NRXN2: variants seen among roughly 807,000 people sequenced by gnomAD.
The protein encoded by NRXN2 is neurexin 2.
A neutral mutation model predicts 128.8 loss-of-function variants in NRXN2; 29 were observed. The observed-to-expected ratio is 0.23, with a 90% CI of 0.17 to 0.31. The LOEUF (loss-of-function observed/expected upper bound fraction) is 0.31. Among genes scored for constraint, NRXN2 ranks in the 10% least tolerant of loss-of-function variants. NRXN2 has a pLI of 1.00. For missense variants in NRXN2, 1,881 were observed against 2,452.6 expected, an observed-to-expected ratio of 0.77 and a Z score of 4.92; for synonymous variants, 1,098 against 1,075.2, an observed-to-expected ratio of 1.02 and a Z score of -0.41.
intron 5 of NRXN2, among the ~76,000 whole-genome samples, chr11:64,689,888 G>A (rs2053577087): frequency 6.6e-6 from 1 of 152,188 alleles, no homozygotes; most frequent in African/African-American, 2.4e-5. Context: ...GTTCCTTGAG[G>A]ACTTGTTATA....
intron 7 of NRXN2, among the ~76,000 whole-genome samples, chr11:64,673,645 A>G (rs2050908336): frequency 6.6e-6 from 1 of 152,216 alleles, no homozygotes; most frequent in Non-Finnish European, 1.5e-5. Flanking sequence ...TTTCCTTTCC[A>G]GGACTGAAAC....
Position 64,713,811 on chromosome 11 carries a change from T to C in NRXN2, c.-112A>G. Reference sequence around the variant, plus strand: ...GCTCCCCGCGCTGAGCGGGGCTCCCTTGCAGGCTCACAGTGCCATGGGCCC... The same window carrying C: ...GCTCCCCGCGCTGAGCGGGGCTCCCCTGCAGGCTCACAGTGCCATGGGCCC... On this transcript the variant is annotated 5_prime_UTR_variant, in exon 2 of 23. Transcript: ENST00000265459. 1 of 568,808 alleles carries C rather than the reference T, an allele frequency of 1.8e-6. No individual in the cohort carries two copies. The allele number at this position is 568,808 out of a possible 1,614,324, so 35.2% of individuals were successfully genotyped here.
In NRXN2 at chr11:64,607,519, A is replaced by C; in HGVS notation, c.4816T>G (p.Phe1606Val). The change falls in exon 23 of 23, where the codon TTC becomes GTC. Residue 1606 changes from phenylalanine to valine, a missense_variant. Around this residue, in one of 7 missense-constraint regions of NRXN2, gnomAD observed 310 missense variants for 318.2 expected, o/e 0.97. Coordinates refer to ENST00000265459, the MANE Select transcript of NRXN2 (RefSeq NM_015080.4). ...LRPGVTSAPG[F>V]PHLPTANPTG... ...GGGTTGGCTGTGGGCAGATGGGGGA[A>C]GCCGGGGGCTGAGGTCACGCCGGGG... 6.3e-7 allele frequency: 1 copy of C among 1,586,712 alleles called. No homozygotes were observed. Among genetic ancestry groups the C allele is most frequent in the East Asian group, 2.3e-5 (1 of 44,260 alleles).
At chr11:64,708,617 C>T (rs1051027503) in intron 2 of NRXN2, among the ~76,000 whole-genome samples, 2 of 152,162 alleles carry the variant, frequency 1.3e-5, no homozygotes, top group Non-Finnish European at 2.9e-5. Flanking sequence ...GGAGGTTCTC[C>T]GTCAATGAGT....
At chr11:64,634,318 G>A (rs182476056) in intron 18 of NRXN2, among the ~76,000 whole-genome samples, 3 of 152,232 alleles carry the variant, frequency 2.0e-5, no homozygotes, top group Non-Finnish European at 2.9e-5. Flanking sequence ...GCAAAGGCTC[G>A]GGATTGAGGA....
At position 64,688,439 on chromosome 11, in the gene NRXN2, C is replaced by G. The variant is rs545376244; in HGVS notation, c.850+1966G>C. On this transcript the variant is annotated intron_variant, in intron 5 of 22. Transcript: ENST00000265459. ...GATGGTGAGGAGAGAGAGAGAGAACCTGAGTAGGGGAGGTCGGAGCATGAC... is the reference window on the plus strand; with the variant it reads ...GATGGTGAGGAGAGAGAGAGAGAACGTGAGTAGGGGAGGTCGGAGCATGAC... 4.1e-6 allele frequency: 4 copies of G among 985,388 alleles called. No homozygotes were observed. In the South Asian group the frequency reaches 1.9e-4, roughly 46 times the overall value. 61.0% of individuals were successfully genotyped at this position (985,388 alleles called of 1,614,324 possible).
rs866122162 is a variant in NRXN2, at chr11:64,713,446, C to T, written c.254G>A (p.Gly85Asp). ...CDFLELLLVD[G>D]RLRLRFTLSC... ...AAGCGTGAAGCGCAGCCGCAGGCGG[C>T]CGTCCACCAGCAGCAGCTCCAGGAA... The change falls in exon 2 of 23, where the codon GGC (glycine) becomes GAC (aspartate). Residue 85 changes from glycine (G) to aspartate (D), a missense_variant. Gly to Asp is a moderately conservative substitution (Grantham distance 94, BLOSUM62 -1). Around this residue, in one of 7 missense-constraint regions of NRXN2, gnomAD observed 997 missense variants for 1,240.8 expected, o/e 0.80. Coordinates refer to ENST00000265459, the MANE Select transcript of NRXN2 (RefSeq NM_015080.4). 1 of 1,519,586 alleles carries T rather than the reference C, an allele frequency of 6.6e-7. No homozygotes were observed. The allele number at this position is 1,519,586 out of a possible 1,614,324, so 94.1% of individuals were successfully genotyped here. A position where few individuals can be genotyped will look rare whatever the true frequency, so the allele number is the denominator to read the frequency against.
chr11:64,627,767 T>C (rs913808722), intron 19 of NRXN2, among the ~76,000 whole-genome samples: 1 of 152,200 alleles, frequency 6.6e-6, no homozygotes, highest in African/African-American at 2.4e-5. Context: ...GAAAGAGAAC[T>C]GATTTCCTTT....
chr11:64,698,887 G>A (rs1165972095), intron 2 of NRXN2, among the ~76,000 whole-genome samples: 2 of 152,318 alleles, frequency 1.3e-5, no homozygotes, highest in East Asian at 3.9e-4. Context: ...CACCTCCTGG[G>A]AGCCTTTAGA....
chr11:64,679,383 A>G (rs545202590), intron 6 of NRXN2, among the ~76,000 whole-genome samples: 2 of 152,092 alleles, frequency 1.3e-5, no homozygotes, highest in Non-Finnish European at 2.9e-5. Context: ...CACACCTGTA[A>G]TCCCAGCACT....
chr11:64,710,010 C>A (rs2056741643), intron 2 of NRXN2, among the ~76,000 whole-genome samples: 1 of 151,452 alleles, frequency 6.6e-6, no homozygotes, highest in Non-Finnish European at 1.5e-5. Context: ...CAGGTTCAAG[C>A]AATTCTCCTG....
chr11:64,649,010 G>T, intron 15 of NRXN2, 103 bp from the exon 16 acceptor site: 1 of 1,216,788 alleles, frequency 8.2e-7, no homozygotes, highest in African/African-American at 1.5e-5. Context: ...GGTTCTCTGC[G>T]TTCCATCCCA....
intron 2 of NRXN2, among the ~76,000 whole-genome samples, chr11:64,698,644 A>C (rs2054871528): frequency 6.6e-6 from 1 of 152,214 alleles, no homozygotes; most frequent in African/African-American, 2.4e-5. Flanking sequence ...AGTGGGCCAC[A>C]CTGGGCCCAG....
At chr11:64,678,948 T>C (rs184693510) in intron 6 of NRXN2, among the ~76,000 whole-genome samples, 92 of 152,292 alleles carry the variant, frequency 6.0e-4, no homozygotes, top group African/African-American at 2.0e-3. Context: ...CCGGAAGAAG[T>C]GCTGAATAAC....
At chr11:64,650,386 T>A in intron 15 of NRXN2, 62 bp downstream of exon 15, 1 of 1,565,450 alleles carries the variant, frequency 6.4e-7, no homozygotes, top group East Asian at 2.2e-5. Flanking sequence ...AATGGGGTGA[T>A]CTCGCTGGGG....
rs769052958 is a variant in NRXN2, at chr11:64,713,309, C to T, written c.391G>A (p.Glu131Lys). Residue 131 changes from glutamate (E) to lysine (K), a missense_variant, in exon 2 of 23, where the codon GAG becomes AAG. By Grantham distance (56) the Glu-to-Lys change is moderately conservative (BLOSUM62 1). Coordinates refer to ENST00000265459, the MANE Select transcript of NRXN2 (RefSeq NM_015080.4). ...ARRTALAVDG[E>K]ARAAEVRSKR... ...GAGCGCACCTCGGCGGCGCGGGCCT[C>T]GCCGTCCACCGCCAGCGCCGTGCGG... 3.7e-6 allele frequency: 5 copies of T among 1,360,582 alleles called. No individual in the cohort carries two copies. The African/African-American group carries it at 6.1e-5, about 17-fold the overall frequency. 84.3% of individuals were successfully genotyped at this position (1,360,582 alleles called of 1,614,324 possible).
intron 20 of NRXN2, among the ~76,000 whole-genome samples, chr11:64,624,549 T>G (rs546190848): frequency 6.6e-5 from 10 of 152,292 alleles, no homozygotes; most frequent in African/African-American, 2.2e-4. Flanking sequence ...TGCATCAAAG[T>G]TTTTTCCCAG....
intron 22 of NRXN2, among the ~76,000 whole-genome samples, chr11:64,619,204 C>T (rs2135311378): frequency 6.6e-6 from 1 of 152,244 alleles, no homozygotes; most frequent in South Asian, 2.1e-4. Flanking sequence ...CCACCCATTG[C>T]AAGGTAATGG....
chr11:64,646,946 C>T (rs185166122), intron 17 of NRXN2, among the ~76,000 whole-genome samples: 26 of 152,120 alleles, frequency 1.7e-4, no homozygotes, highest in Admixed American at 9.8e-4. Context: ...CCTAAGAACA[C>T]GAGGAAAGCA....
Sources: allele counts gnomAD v4.1 joint callset (sites outside exome capture counted in the v4.1 genomes callset), GRCh38; gene constraint gnomAD v4.1.1; regional missense constraint gnomAD v4.1.1; transcripts MANE v1.5; gene names NCBI Gene and HGNC (gene_info 2026-07-23, HGNC 2026-07-21).